The following FERMT1 variants were observed in gnomAD, a reference collection of about 807,000 sequenced individuals.
FERMT1 encodes FERM domain containing kindlin 1.
Under a neutral mutation model 85.3 loss-of-function variants are expected in FERMT1, and 60 were observed. The ratio of observed to expected loss-of-function variants is 0.70; its 90% confidence interval spans 0.57 to 0.87. FERMT1 has a LOEUF of 0.87. FERMT1 is among the 40% of genes least tolerant of loss of function. The pLI, the probability that FERMT1 is intolerant of heterozygous loss-of-function variation, is 0.00. For synonymous variants in FERMT1, 275 were observed against 301.1 expected, an observed-to-expected ratio of 0.91 and a Z score of 0.90; for missense variants, 701 against 818.9, an observed-to-expected ratio of 0.86 and a Z score of 1.76.
chr20:6,089,117 A>C (rs2123107201), intron 9 of FERMT1, 28 bp from the exon 10 acceptor site: 1 of 1,606,198 alleles, frequency 6.2e-7, no homozygotes, highest in East Asian at 2.2e-5. Context: ...GTGAATGTTT[A>C]AACCACCACC....
intron 6 of FERMT1, among the ~76,000 whole-genome samples, chr20:6,103,153 A>T (rs1375598222): frequency 1.3e-5 from 2 of 152,160 alleles, no homozygotes; most frequent in South Asian, 2.1e-4. Context: ...GTTCAATAAA[A>T]AGTTAGTCCC....
intron 6 of FERMT1, among the ~76,000 whole-genome samples, chr20:6,098,324 G>C (rs1172896958): frequency 1.3e-5 from 2 of 152,140 alleles, no homozygotes; most frequent in Non-Finnish European, 2.9e-5. Flanking sequence ...GAATCCGATA[G>C]GATTTTTTAA....
In FERMT1 at chr20:6,084,171, A is replaced by G; in HGVS notation, c.1594-7T>C. On this transcript the variant is annotated splice_region_variant and splice_polypyrimidine_tract_variant and intron_variant, in intron 12 of 14. Transcript: ENST00000217289. ...CCAGGATCCGGGCGGCCAGCTGAACAGAAACAGACATCAACCTCTCTTCAC... is the reference window on the plus strand; with the variant it reads ...CCAGGATCCGGGCGGCCAGCTGAACGGAAACAGACATCAACCTCTCTTCAC... 1 of 1,608,972 alleles carries G rather than the reference A, an allele frequency of 6.2e-7. No homozygotes were observed. Among genetic ancestry groups the G allele is most frequent in the Non-Finnish European group, 8.5e-7 (1 of 1,177,700 alleles).
At chr20:6,097,746 C>A in intron 6 of FERMT1, 115 bp from the exon 7 acceptor site, 1 of 772,796 alleles carries the variant, frequency 1.3e-6, no homozygotes, top group Non-Finnish European at 2.3e-6. Context: ...AACTTCAGCT[C>A]AGGTAAGTGA....
chr20:6,077,548 C>T (rs1164496948), intron 14 of FERMT1, among the ~76,000 whole-genome samples: 1 of 152,106 alleles, frequency 6.6e-6, no homozygotes, highest in Non-Finnish European at 1.5e-5. Context: ...CTGGTGGTGT[C>T]GACTTTGCTG....
intron 4 of FERMT1, among the ~76,000 whole-genome samples, chr20:6,110,896 C>T (rs1982929370): frequency 6.6e-6 from 1 of 152,188 alleles, no homozygotes; most frequent in Non-Finnish European, 1.5e-5. Context: ...TATGTAAAAG[C>T]CTTCAAAAAT....
At chr20:6,081,097 G>T (rs1048706225) in intron 13 of FERMT1, among the ~76,000 whole-genome samples, 65 of 152,024 alleles carry the variant, frequency 4.3e-4, no homozygotes, top group African/African-American at 1.5e-3. Context: ...GAGCAGCCTG[G>T]GTAACACAGT....
chr20:6,077,631 C>G (rs1981866482), intron 14 of FERMT1, among the ~76,000 whole-genome samples: 1 of 152,216 alleles, frequency 6.6e-6, no homozygotes, highest in Non-Finnish European at 1.5e-5. Context: ...CCCAAGCACT[C>G]TCTGTCTCCC....
intron 14 of FERMT1, among the ~76,000 whole-genome samples, chr20:6,078,276 G>A (rs771812437): frequency 3.9e-5 from 6 of 152,180 alleles, no homozygotes; most frequent in Admixed American, 6.6e-5. Flanking sequence ...TACCGCCTTA[G>A]AGGTCATCTA....
At chr20:6,121,716 G>A (rs749292116) in intron 1 of FERMT1, among the ~76,000 whole-genome samples, 9 of 152,218 alleles carry the variant, frequency 5.9e-5, no homozygotes, top group Non-Finnish European at 8.8e-5. Flanking sequence ...AGGTCACACA[G>A]CAAGTTAGAT....
Position 6,091,626 on chromosome 20 carries a change from C to G in FERMT1, c.1140-2537G>C, listed in dbSNP as rs1011473406. 2.0e-5 allele frequency among the ~76,000 whole-genome samples: 3 copies of G among 152,210 alleles called. No homozygotes were observed. In the East Asian group the frequency reaches 5.8e-4, roughly 29 times the overall value. The stretch of plus-strand genomic sequence containing the variant: ...AGACAGCACCTTTAACCAAAAGATA[C>G]AGGTAATAAGGTCTTGGTTTAATCT... On this transcript the variant is annotated intron_variant, in intron 9 of 14. Transcript: ENST00000217289.
rs546892284 is a variant in FERMT1 at position 6,097,696 on chromosome 20, T to C, written c.850-65A>G. On this transcript the variant is annotated intron_variant, in intron 6 of 14. Coordinates refer to ENST00000217289, the MANE Select transcript of FERMT1 (RefSeq NM_017671.5). ...TTTATATCCCACAATACAAAGATTC[T>C]GAAACAACTGAGGCCATTCTCTGTT... is the stretch of plus-strand genomic sequence containing the variant. The C allele has an allele frequency of 9.5e-5, 106 of 1,115,986 alleles. 1 individual carries two copies. Among genetic ancestry groups the C allele is most frequent in the South Asian group, 8.8e-4 (71 of 80,882 alleles). The allele number at this position is 1,115,986 out of a possible 1,614,324, so 69.1% of individuals were successfully genotyped here. A position where few individuals can be genotyped will look rare whatever the true frequency, so the allele number is the denominator to read the frequency against.
At chr20:6,091,687 G>A (rs1244337997) in intron 9 of FERMT1, among the ~76,000 whole-genome samples, 1 of 152,198 alleles carries the variant, frequency 6.6e-6, no homozygotes, top group Non-Finnish European at 1.5e-5. Flanking sequence ...GATTAAGAAT[G>A]AGGCCCTACT....
intron 14 of FERMT1, among the ~76,000 whole-genome samples, chr20:6,078,045 C>A (rs1479104235): frequency 6.6e-6 from 1 of 152,230 alleles, no homozygotes; most frequent in Non-Finnish European, 1.5e-5. Flanking sequence ...GAACCCTTTC[C>A]TAGCTGCAAG....
rs1339897375 is a variant in FERMT1, at chr20:6,112,462, T to G, written c.532+15A>C. On this transcript the variant is annotated intron_variant, in intron 4 of 14. Transcript: ENST00000217289. ...CTGTACGTTCAAACAACAAAACACC[T>G]GTAACAAGTCTTACCTGATGAACCT... 1 of 1,612,970 alleles carries G rather than the reference T, an allele frequency of 6.2e-7. No individual in the cohort carries two copies. Among genetic ancestry groups the G allele is most frequent in the East Asian group, 2.2e-5 (1 of 44,808 alleles).
chr20:6,096,966 T>G lies in FERMT1; in HGVS notation c.1025A>C (p.Glu342Ala). 6.2e-7 allele frequency: 1 copy of G among 1,614,084 alleles called. No homozygotes were observed. The highest frequency in any genetic ancestry group is 8.5e-7 in the Non-Finnish European group (1 of 1,179,972). The change falls in exon 8 of 15, where the codon GAA (glutamate) becomes GCA (alanine). Residue 342 changes from glutamate (E) to alanine (A), a missense_variant. Physicochemically the swap from Glu to Ala is moderately radical, Grantham distance 107. Coordinates refer to ENST00000217289, the MANE Select transcript of FERMT1 (RefSeq NM_017671.5). ...CAAATTAGAAAGCGCCGCTTCTATT[T>G]CATCAACCTCGGACTCGCCTGCAAA... ...QDFAGESEVD[E>A]IEAALSNLEV... is the part of the protein sequence containing the mutation.
chr20:6,112,355 C>A, intron 4 of FERMT1, 122 bp downstream of exon 4: 1 of 980,040 alleles, frequency 1.0e-6, no homozygotes, highest in East Asian at 2.4e-5. Context: ...ATAGCCTTTC[C>A]TCATCACATC....
chr20:6,081,111 A>T (rs1171979974), intron 13 of FERMT1, among the ~76,000 whole-genome samples: 14 of 152,018 alleles, frequency 9.2e-5, no homozygotes, highest in African/African-American at 3.4e-4. Flanking sequence ...ACACAGTGAG[A>T]TCCCATCTCC....
At chr20:6,100,012 A>G (rs1982620522) in intron 6 of FERMT1, among the ~76,000 whole-genome samples, 1 of 151,638 alleles carries the variant, frequency 6.6e-6, no homozygotes, top group Non-Finnish European at 1.5e-5. Flanking sequence ...GAGAAAATGG[A>G]TAGTGGTAAT....
Sources: gnomAD v4.1 joint callset for allele counts (sites outside exome capture counted in the v4.1 genomes callset) on GRCh38, gnomAD v4.1.1 for gene constraint, MANE v1.5 for transcripts, NCBI Gene and HGNC (gene_info 2026-07-23, HGNC 2026-07-21) for gene names.